HECW1: variants seen among roughly 807,000 people sequenced by gnomAD.
The protein encoded by HECW1 is E3 ubiquitin-protein ligase HECW1.
A neutral mutation model predicts 182.3 loss-of-function variants in HECW1; 61 were observed. That is an observed-to-expected ratio of 0.33 (90% CI 0.27 to 0.41). The LOEUF is 0.41. HECW1 is among the 10% of genes least tolerant of loss of function. HECW1 has a pLI of 1.00. For synonymous variants in HECW1, 859 were observed against 832.6 expected (o/e 1.03, Z -0.55); for missense variants, 1,739 against 2,108.9 (o/e 0.82, Z 3.44).
At chr7:43,295,973 A>T (rs1351051108) in intron 3 of HECW1, among the ~76,000 whole-genome samples, 2 of 152,264 alleles carry the variant, frequency 1.3e-5, no homozygotes, top group African/African-American at 4.8e-5. Context: ...GCCCATGGTC[A>T]TGCCTGCTTA....
At chr7:43,355,701 C>T (rs1815040900) in intron 5 of HECW1, among the ~76,000 whole-genome samples, 1 of 152,124 alleles carries the variant, frequency 6.6e-6, no homozygotes, top group South Asian at 2.1e-4. Flanking sequence ...CAGTTAAAAA[C>T]CAACCAGAGG....
intron 6 of HECW1, among the ~76,000 whole-genome samples, chr7:43,365,554 C>G (rs1816540184): frequency 6.6e-6 from 1 of 152,196 alleles, no homozygotes; most frequent in Admixed American, 6.5e-5. Flanking sequence ...TTGTCTTTAT[C>G]AGCATTAAAA....
At chr7:43,279,248 T>A (rs1803579706) in intron 3 of HECW1, among the ~76,000 whole-genome samples, 1 of 152,214 alleles carries the variant, frequency 6.6e-6, no homozygotes, top group South Asian at 2.1e-4. Context: ...ATGAACTAAT[T>A]TTGAACAAGT....
chr7:43,364,515 T>C lies in HECW1; in HGVS notation c.555+3535T>C, dbSNP rs1001879267. ...GCGTGAAGCCTGCTGTGCTGATGTA[T>C]AGAGAAAGCCGTGACCAGGCACCTG... On this transcript the variant is annotated intron_variant, in intron 6 of 29. Transcript: ENST00000395891. 2.6e-5 allele frequency among the ~76,000 whole-genome samples: 4 copies of C among 152,200 alleles called. No homozygotes were observed. In the South Asian group the frequency reaches 6.2e-4, roughly 24 times the overall value.
chr7:43,358,764 G>A (rs1312146838), intron 5 of HECW1, among the ~76,000 whole-genome samples: 11 of 150,664 alleles, frequency 7.3e-5, no homozygotes, highest in African/African-American at 2.2e-4. Flanking sequence ...GAAGTGTAAA[G>A]TGTTATTTGG....
chr7:43,515,922 T>A (rs553682868), intron 24 of HECW1, among the ~76,000 whole-genome samples: 1 of 152,332 alleles, frequency 6.6e-6, no homozygotes, highest in Admixed American at 6.5e-5. Flanking sequence ...CAAATTTATT[T>A]TTATGTCTAA....
intron 2 of HECW1, among the ~76,000 whole-genome samples, chr7:43,205,589 C>A (rs900676793): frequency 3.9e-5 from 6 of 152,328 alleles, no homozygotes; most frequent in African/African-American, 1.4e-4. Context: ...TTTGTCCCAA[C>A]ATTGGCAGTT....
At chr7:43,410,130 C>T (rs1028585698) in intron 8 of HECW1, among the ~76,000 whole-genome samples, 25 of 152,138 alleles carry the variant, frequency 1.6e-4, no homozygotes, top group Non-Finnish European at 8.8e-5. Flanking sequence ...AGGAAGAAAG[C>T]AACAGGCCAA....
At chr7:43,506,299 T>C (rs1342343413) in intron 21 of HECW1, among the ~76,000 whole-genome samples, 1 of 152,188 alleles carries the variant, frequency 6.6e-6, no homozygotes, top group African/African-American at 2.4e-5. Context: ...TCACTTCTTG[T>C]AGCAACTTAC....
chr7:43,234,703 T>C (rs942693542), intron 2 of HECW1, among the ~76,000 whole-genome samples: 1 of 152,196 alleles, frequency 6.6e-6, no homozygotes, highest in Non-Finnish European at 1.5e-5. Flanking sequence ...CTCTAACATG[T>C]GCAGTTTACT....
At chr7:43,376,991 A>T (rs561382884) in intron 6 of HECW1, among the ~76,000 whole-genome samples, 1 of 152,286 alleles carries the variant, frequency 6.6e-6, no homozygotes, top group South Asian at 2.1e-4. Flanking sequence ...AAAAGTCTTG[A>T]GAAAAATAAA....
intron 6 of HECW1, among the ~76,000 whole-genome samples, chr7:43,376,791 AG>A (rs916366926): frequency 4.0e-5 from 6 of 151,874 alleles, no homozygotes; most frequent in African/African-American, 1.2e-4. Flanking sequence ...GCTTGAACCC[AG>A]GGGGCAGAGG....
chr7:43,449,209 G>C (rs527685538), intron 11 of HECW1, among the ~76,000 whole-genome samples: 1 of 152,154 alleles, frequency 6.6e-6, no homozygotes, highest in African/African-American at 2.4e-5. Context: ...TTTAATTTCT[G>C]ACACTAAACA....
At position 43,319,601 on chromosome 7, in the gene HECW1, C is replaced by CTTTTTTTTTTTTTTTTTTTTT. The variant is rs796502195; in HGVS notation, c.353-1030_353-1010dup. Among the ~76,000 whole-genome samples, 23 of 47,456 alleles carry CTTTTTTTTTTTTTTTTTTTTT rather than the reference C, an allele frequency of 4.8e-4. 2 individuals carry two copies. Among genetic ancestry groups the CTTTTTTTTTTTTTTTTTTTTT allele is most frequent in the African/African-American group, 2.7e-3 (21 of 7,898 alleles). The allele number at this position is 47,456 out of a possible 152,430, so 31.1% of individuals were successfully genotyped here. On this transcript the variant is annotated intron_variant, in intron 4 of 29. Coordinates refer to ENST00000395891, the MANE Select transcript of HECW1 (RefSeq NM_015052.5). The stretch of plus-strand genomic sequence containing the variant: ...CTGTTCTTTTCCTTTCTTTTCTTTT[C>CTTTTTTTTTTTTTTTTTTTTT]TTTTTTTTTTTTTTTTTTTTTTTTG...
At chr7:43,535,421 G>T (rs535556885) in intron 24 of HECW1, among the ~76,000 whole-genome samples, 1 of 152,242 alleles carries the variant, frequency 6.6e-6, no homozygotes, top group African/African-American at 2.4e-5. Context: ...GTTTTCTTCA[G>T]CGTAGGTCAA....
chr7:43,397,670 C>A (rs2152838544), intron 7 of HECW1, among the ~76,000 whole-genome samples: 1 of 152,094 alleles, frequency 6.6e-6, no homozygotes, highest in Admixed American at 6.6e-5. Context: ...GGGGGAGTAT[C>A]ACAAAATACA....
Position 43,564,996 on chromosome 7 carries a change from T to C in HECW1, c.*3070T>C. The C allele has an allele frequency of 1.1e-5, 2 of 187,104 alleles. No individual in the cohort carries two copies. The highest frequency in any genetic ancestry group is 2.3e-5 in the Non-Finnish European group (2 of 88,680). The allele number at this position is 187,104 out of a possible 1,614,324, so 11.6% of individuals were successfully genotyped here. Reference sequence around the variant, plus strand: ...TTGATTTTAGTAAGAGTGTAACGCCTTTAATCAGGGGACAAACAAGAACAA... The same window carrying C: ...TTGATTTTAGTAAGAGTGTAACGCCCTTAATCAGGGGACAAACAAGAACAA... On this transcript the variant is annotated 3_prime_UTR_variant, in exon 30 of 30. Transcript: ENST00000395891.
At chr7:43,483,926 C>T (rs1031672655) in intron 17 of HECW1, among the ~76,000 whole-genome samples, 21 of 152,028 alleles carry the variant, frequency 1.4e-4, no homozygotes, top group Non-Finnish European at 2.6e-4. Context: ...TCGAGAGAGG[C>T]CTGCTAGAGA....
chr7:43,456,485 A>G (rs773290998), intron 13 of HECW1, 38 bp downstream of exon 13: 9 of 1,579,226 alleles, frequency 5.7e-6, no homozygotes, highest in Non-Finnish European at 6.9e-6. Flanking sequence ...CCTAAACCAC[A>G]GTGAAAGGAG....
Sources: allele counts gnomAD v4.1 joint callset (sites outside exome capture counted in the v4.1 genomes callset), GRCh38; gene constraint gnomAD v4.1.1; transcripts MANE v1.5; gene names NCBI Gene and HGNC (gene_info 2026-07-23, HGNC 2026-07-21).